Variants in CSNK1G1 observed in about 807,000 individuals in gnomAD.
CSNK1G1 encodes casein kinase 1 gamma 1.
A neutral mutation model predicts 59.6 loss-of-function variants in CSNK1G1; 22 were observed. The observed-to-expected ratio is 0.37, with a 90% CI of 0.26 to 0.53. The LOEUF (loss-of-function observed/expected upper bound fraction) is 0.53, where lower values mean the gene tolerates loss of function less well. Ranked by LOEUF, CSNK1G1 falls within the 20% of genes least tolerant of loss-of-function variation. CSNK1G1 has a pLI of 0.89. For missense variants in CSNK1G1, 384 were observed against 519.5 expected (o/e 0.74, Z 2.54); for synonymous variants, 179 against 177.1 (o/e 1.01, Z -0.08).
intron 10 of CSNK1G1, among the ~76,000 whole-genome samples, chr15:64,197,910 A>G (rs1242947043): frequency 6.6e-6 from 1 of 152,044 alleles, no homozygotes; most frequent in East Asian, 1.9e-4. Flanking sequence ...AGAAAACTGA[A>G]CTAGATAAAA....
At chr15:64,282,029 C>A (rs1596214718) in intron 2 of CSNK1G1, among the ~76,000 whole-genome samples, 1 of 151,714 alleles carries the variant, frequency 6.6e-6, no homozygotes. Flanking sequence ...TCAAGCAATC[C>A]TCTCACTTTA....
chr15:64,335,311 A>G (rs1300490028), intron 1 of CSNK1G1, among the ~76,000 whole-genome samples: 1 of 152,228 alleles, frequency 6.6e-6, no homozygotes, highest in Non-Finnish European at 1.5e-5. Flanking sequence ...AAAACAATCA[A>G]GATGAAGCCA....
At chr15:64,219,716 T>G (rs895869242) in intron 4 of CSNK1G1, among the ~76,000 whole-genome samples, 4 of 152,050 alleles carry the variant, frequency 2.6e-5, no homozygotes, top group Non-Finnish European at 2.9e-5. Context: ...TGCTTTGACC[T>G]CCCAAGTGCT....
intron 4 of CSNK1G1, among the ~76,000 whole-genome samples, chr15:64,248,613 AATC>A (rs1326773706): frequency 6.6e-6 from 1 of 152,198 alleles, no homozygotes; most frequent in Non-Finnish European, 1.5e-5. Context: ...GTCAATGCCT[AATC>A]ATCAATAGGA....
At chr15:64,247,301 A>G (rs1891811254) in intron 4 of CSNK1G1, among the ~76,000 whole-genome samples, 1 of 152,232 alleles carries the variant, frequency 6.6e-6, no homozygotes, top group African/African-American at 2.4e-5. Context: ...AATTAACATA[A>G]CATTGATGAT....
Position 64,170,040 on chromosome 15 carries a change from G to A in CSNK1G1, c.*1891C>T, listed in dbSNP as rs2081646932. On this transcript the variant is annotated 3_prime_UTR_variant, in exon 12 of 12. Transcript: ENST00000303052. ...GACTTCTATGGTCCACAAACCATCA[G>A]ACTAAGTCACCCACCAGCCACTGTG... The A allele has an allele frequency of 2.0e-5, 3 of 152,336 alleles. No individual in the cohort carries two copies. The highest frequency in any genetic ancestry group is 1.3e-4 in the Admixed American group (2 of 15,300). The allele number at this position is 152,336 out of a possible 1,614,324, so 9.4% of individuals were successfully genotyped here. A position where few individuals can be genotyped will look rare whatever the true frequency, so the allele number is the denominator to read the frequency against.
intron 2 of CSNK1G1, among the ~76,000 whole-genome samples, chr15:64,264,388 C>A (rs1301741237): frequency 6.6e-6 from 1 of 152,038 alleles, no homozygotes; most frequent in Non-Finnish European, 1.5e-5. Context: ...GATAAAGACT[C>A]CCCCAGCAAA....
At chr15:64,172,161 C>T (rs1419774320) in intron 11 of CSNK1G1, among the ~76,000 whole-genome samples, 176 bp from the exon 12 acceptor site, 1 of 152,186 alleles carries the variant, frequency 6.6e-6, no homozygotes, top group Non-Finnish European at 1.5e-5. Flanking sequence ...CCAGAAAAGC[C>T]AAAGGAAATA....
rs2081800450 is a variant in CSNK1G1, at chr15:64,180,592, C to T, written c.1108-138G>A. On this transcript the variant is annotated intron_variant, in intron 10 of 11. Coordinates refer to ENST00000303052, the MANE Select transcript of CSNK1G1 (RefSeq NM_022048.5). The stretch of plus-strand genomic sequence containing the variant: ...TAAGGGATCAATTTAGGGAAGGTTC[C>T]CAGGCCCATATCATGCGAGAACACT... 6.0e-6 allele frequency: 4 copies of T among 669,174 alleles called. No individual in the cohort carries two copies. In the South Asian group the frequency reaches 6.7e-5, roughly 11 times the overall value. The allele number at this position is 669,174 out of a possible 1,614,324, so 41.5% of individuals were successfully genotyped here. A position where few individuals can be genotyped will look rare whatever the true frequency, so the allele number is the denominator to read the frequency against.
intron 10 of CSNK1G1, among the ~76,000 whole-genome samples, chr15:64,192,593 A>G (rs1662556051): frequency 6.6e-6 from 1 of 152,098 alleles, no homozygotes; most frequent in Non-Finnish European, 1.5e-5. Context: ...TGACACTAAC[A>G]AAGTGCCATA....
intron 2 of CSNK1G1, among the ~76,000 whole-genome samples, chr15:64,268,993 C>T (rs1893132683): frequency 6.6e-6 from 1 of 152,138 alleles, no homozygotes; most frequent in Non-Finnish European, 1.5e-5. Flanking sequence ...ATTCTCCTTA[C>T]CATTTTTGCT....
chr15:64,209,988 G>C (rs1341225084), intron 6 of CSNK1G1, among the ~76,000 whole-genome samples: 1 of 152,086 alleles, frequency 6.6e-6, no homozygotes, highest in Non-Finnish European at 1.5e-5. Flanking sequence ...AATAAATTAT[G>C]AGATTAATAT....
chr15:64,212,543 T>C (rs556200215), intron 6 of CSNK1G1, among the ~76,000 whole-genome samples: 241 of 152,110 alleles, frequency 1.6e-3, no homozygotes, highest in African/African-American at 5.6e-3. Context: ...AGTGAGACTC[T>C]ATCTCTATAA....
rs182147743 is a variant in CSNK1G1, at chr15:64,333,125, C to T, written c.-225+22863G>A. The stretch of plus-strand genomic sequence containing the variant: ...TACAAAACTTAGCCAGGTATGGTGG[C>T]GGGCACCTGTAATGCCAGCTACTCG... On this transcript the variant is annotated intron_variant, in intron 1 of 11. Transcript: ENST00000303052. 4.0e-5 allele frequency among the ~76,000 whole-genome samples: 6 copies of T among 151,506 alleles called. No homozygotes were observed. The East Asian group carries it at 7.8e-4, about 20-fold the overall frequency.
At chr15:64,303,644 T>A (rs183051295) in intron 1 of CSNK1G1, among the ~76,000 whole-genome samples, 102 of 151,132 alleles carry the variant, frequency 6.7e-4, no homozygotes, top group African/African-American at 2.4e-3. Flanking sequence ...CCCAGCTACT[T>A]GGGAGGCTGA....
chr15:64,243,390 A>G (rs1346281960), intron 4 of CSNK1G1, among the ~76,000 whole-genome samples: 1 of 152,058 alleles, frequency 6.6e-6, no homozygotes, highest in Non-Finnish European at 1.5e-5. Flanking sequence ...CTAGGTACAG[A>G]AGGAACATAC....
chr15:64,219,120 G>T (rs576960330), intron 4 of CSNK1G1, among the ~76,000 whole-genome samples: 3 of 152,280 alleles, frequency 2.0e-5, no homozygotes, highest in East Asian at 3.9e-4. Flanking sequence ...CTCCCGAAGT[G>T]CTGGGATTAC....
chr15:64,226,229 G>C (rs1179411263), intron 4 of CSNK1G1, among the ~76,000 whole-genome samples: 1 of 152,134 alleles, frequency 6.6e-6, no homozygotes, highest in Non-Finnish European at 1.5e-5. Context: ...ATTGGAGGTG[G>C]GTAGGGGCAG....
chr15:64,323,426 C>T (rs186901519), intron 1 of CSNK1G1, among the ~76,000 whole-genome samples: 119 of 151,690 alleles, frequency 7.8e-4, no homozygotes, highest in African/African-American at 2.5e-3. Flanking sequence ...AGTGCAATGG[C>T]GCAATCTCGG....
Sources: allele counts gnomAD v4.1 joint callset (sites outside exome capture counted in the v4.1 genomes callset), GRCh38; gene constraint gnomAD v4.1.1; transcripts MANE v1.5; gene names NCBI Gene and HGNC (gene_info 2026-07-23, HGNC 2026-07-21).